GASK1B: variants seen among roughly 807,000 people sequenced by gnomAD.
GASK1B encodes the protein Golgi-associated kinase 1B.
In GASK1B, 34 loss-of-function variants were observed where a neutral mutation model predicts 42.8. The observed-to-expected ratio is 0.79, with a 90% CI of 0.60 to 1.06. The LOEUF (loss-of-function observed/expected upper bound fraction) is 1.06. Ranked by LOEUF, GASK1B falls within the 50% of genes least tolerant of loss-of-function variation. The probability of loss-of-function intolerance (pLI) is 0.00; values close to 1 mark genes in which losing one functional copy is unlikely to be tolerated. For missense variants in GASK1B, 686 were observed against 661.0 expected, an observed-to-expected ratio of 1.04 and a Z score of -0.42; for synonymous variants, 262 against 259.1, an observed-to-expected ratio of 1.01 and a Z score of -0.11.
chr4:158,130,450 C>T (rs1158118501), intron 4 of GASK1B, among the ~76,000 whole-genome samples: 1 of 152,188 alleles, frequency 6.6e-6, no homozygotes, highest in African/African-American at 2.4e-5. Flanking sequence ...CTGCCACCTG[C>T]TTATCCCTGC....
chr4:158,139,039 T>A (rs1368531933), intron 3 of GASK1B, among the ~76,000 whole-genome samples: 2 of 152,288 alleles, frequency 1.3e-5, no homozygotes, highest in East Asian at 3.9e-4. Flanking sequence ...AAGTTCCTAA[T>A]CATCAAAATA....
Position 158,127,365 on chromosome 4 carries a change from A to T in GASK1B, c.*42T>A. 1.9e-6 allele frequency: 3 copies of T among 1,556,372 alleles called. No homozygotes were observed. Among genetic ancestry groups the T allele is most frequent in the South Asian group, 1.2e-5 (1 of 86,390 alleles). ...GCTTGATTTAAAAACAAAACCAAAA[A>T]TGCATAAATATATCTAACACCCTAG... On this transcript the variant is annotated 3_prime_UTR_variant, in exon 5 of 5. Coordinates refer to ENST00000585682, the MANE Select transcript of GASK1B (RefSeq NM_001128424.2).
intron 3 of GASK1B, among the ~76,000 whole-genome samples, chr4:158,146,570 C>T (rs1275451975): frequency 6.6e-6 from 1 of 152,020 alleles, no homozygotes; most frequent in African/African-American, 2.4e-5. Context: ...ATTATTATTC[C>T]TATTTTACAG....
intron 3 of GASK1B, among the ~76,000 whole-genome samples, chr4:158,151,471 A>T (rs1311274989): frequency 6.6e-6 from 1 of 152,182 alleles, no homozygotes; most frequent in African/African-American, 2.4e-5. Context: ...ACCTCAGTTT[A>T]CTCACCTCCC....
chr4:158,151,384 A>G (rs1431688797), intron 3 of GASK1B, among the ~76,000 whole-genome samples: 5 of 152,362 alleles, frequency 3.3e-5, no homozygotes, highest in African/African-American at 9.6e-5. Flanking sequence ...ACACTTTACC[A>G]TCAACAGATC....
At chr4:158,149,563 T>C (rs1731463719) in intron 3 of GASK1B, among the ~76,000 whole-genome samples, 1 of 129,666 alleles carries the variant, frequency 7.7e-6, no homozygotes, top group Non-Finnish European at 1.7e-5. Flanking sequence ...TAGACTTCAC[T>C]GGCAGGTTCA....
intron 3 of GASK1B, among the ~76,000 whole-genome samples, chr4:158,144,081 T>C (rs986557294): frequency 6.6e-6 from 1 of 152,198 alleles, no homozygotes; most frequent in Non-Finnish European, 1.5e-5. Context: ...AGTAGATCTG[T>C]ATATGTACTT....
At chr4:158,172,503 T>C (rs1732598096) in intron 1 of GASK1B, 1 of 152,182 alleles carries the variant, frequency 6.6e-6, no homozygotes, top group South Asian at 2.1e-4. Context: ...AAACTACTGA[T>C]TGCAAAGCAA....
At chr4:158,143,727 T>C (rs1402208262) in intron 3 of GASK1B, among the ~76,000 whole-genome samples, 2 of 152,140 alleles carry the variant, frequency 1.3e-5, no homozygotes. Context: ...CCAGTCAAGA[T>C]GACAAATTGT....
At chr4:158,150,752 C>T (rs956320705) in intron 3 of GASK1B, among the ~76,000 whole-genome samples, 2 of 152,084 alleles carry the variant, frequency 1.3e-5, no homozygotes, top group South Asian at 2.1e-4. Context: ...TGCTTAAAAC[C>T]AGTTACAGCC....
chr4:158,144,734 C>T (rs944030152), intron 3 of GASK1B, among the ~76,000 whole-genome samples: 2 of 152,102 alleles, frequency 1.3e-5, no homozygotes, highest in African/African-American at 4.8e-5. Flanking sequence ...ACAACTAATC[C>T]CAGACTTTCT....
At chr4:158,159,129 C>A (rs1731869997) in intron 2 of GASK1B, among the ~76,000 whole-genome samples, 1 of 152,114 alleles carries the variant, frequency 6.6e-6, no homozygotes, top group Non-Finnish European at 1.5e-5. Flanking sequence ...CCAATTCATC[C>A]ATTTCCCCTC....
chr4:158,162,070 C>T (rs758265964), intron 2 of GASK1B, among the ~76,000 whole-genome samples: 4 of 152,124 alleles, frequency 2.6e-5, no homozygotes, highest in Non-Finnish European at 5.9e-5. Flanking sequence ...TTTTCATAGT[C>T]TATTCTCTCT....
chr4:158,149,315 A>G (rs1381343281), intron 3 of GASK1B, among the ~76,000 whole-genome samples: 2 of 152,246 alleles, frequency 1.3e-5, no homozygotes, highest in East Asian at 1.9e-4. Flanking sequence ...GGATAATCAC[A>G]TTGTACTACT....
At position 158,125,835 on chromosome 4, in the gene GASK1B, C is replaced by T. The variant is rs1161231321; in HGVS notation, c.*1572G>A. 6.6e-6 allele frequency: 1 copy of T among 152,074 alleles called. No homozygotes were observed. The highest frequency in any genetic ancestry group is 2.4e-5 in the African/African-American group (1 of 41,436). The allele number at this position is 152,074 out of a possible 1,614,324, so 9.4% of individuals were successfully genotyped here. ...GATCTCTCTCTCCTTGGTCCATCTT[C>T]TCTTATACTTAAAACATTATTTTGA... On this transcript the variant is annotated 3_prime_UTR_variant, in exon 5 of 5. Transcript: ENST00000585682.
intron 2 of GASK1B, among the ~76,000 whole-genome samples, chr4:158,160,176 T>G (rs1731918316): frequency 6.6e-6 from 1 of 152,176 alleles, no homozygotes; most frequent in South Asian, 2.1e-4. Context: ...GTGGCATCTT[T>G]GTTATAGGAA....
intron 3 of GASK1B, among the ~76,000 whole-genome samples, chr4:158,149,993 C>T (rs1427009233): frequency 8.3e-6 from 1 of 121,098 alleles, no homozygotes; most frequent in African/African-American, 3.1e-5. Context: ...GGCGCGATCT[C>T]GGCTCACTGC....
At chr4:158,147,137 A>G (rs191417109) in intron 3 of GASK1B, among the ~76,000 whole-genome samples, 279 of 152,302 alleles carry the variant, frequency 1.8e-3, no homozygotes, top group African/African-American at 5.3e-3. Flanking sequence ...CCTAAATACC[A>G]TTTAAATGAA....
At position 158,127,571 on chromosome 4, in the gene GASK1B, G is replaced by A. The variant is rs992775697; in HGVS notation, c.1396C>T (p.Arg466Trp). The change falls in exon 5 of 5, where the codon CGG becomes TGG. Residue 466 changes from arginine (R) to tryptophan (W), a missense_variant. Transcript: ENST00000585682. ...AVSVLKSQHL[R>W]QKLLQSLFLD... ...AACAGAGACTGAAGAAGTTTCTGCC[G>A]TAAGTGCTGGCTCTTCAAAACAGAA... The A allele has an allele frequency of 9.3e-6, 15 of 1,613,358 alleles. No individual in the cohort carries two copies. Among genetic ancestry groups the A allele is most frequent in the African/African-American group, 5.3e-5 (4 of 74,866 alleles).
Sources: allele counts gnomAD v4.1 joint callset (sites outside exome capture counted in the v4.1 genomes callset), GRCh38; gene constraint gnomAD v4.1.1; transcripts MANE v1.5; gene names NCBI Gene and HGNC (gene_info 2026-07-23, HGNC 2026-07-21).